Variants in NWD1 observed in about 807,000 individuals in gnomAD.
NWD1 encodes NACHT domain- and WD repeat-containing protein 1.
In NWD1, 129 loss-of-function variants were observed where a neutral mutation model predicts 135.1. That is an observed-to-expected ratio of 0.96 (90% CI 0.83 to 1.11). The LOEUF (loss-of-function observed/expected upper bound fraction) is 1.11, where lower values mean the gene tolerates loss of function less well. NWD1 is among the 50% of genes least tolerant of loss of function. The pLI is 0.00. For synonymous variants in NWD1, 773 were observed against 786.0 expected (o/e 0.98, Z 0.28); for missense variants, 1,740 against 1,851.3 (o/e 0.94, Z 1.10).
intron 17 of NWD1, among the ~76,000 whole-genome samples, chr19:16,805,156 T>C: frequency 6.6e-6 from 1 of 152,012 alleles, no homozygotes; most frequent in African/African-American, 2.4e-5. Context: ...CCTCCCGGGT[T>C]CAAGCAATTC....
intron 10 of NWD1, among the ~76,000 whole-genome samples, chr19:16,765,805 T>A (rs1236141481): frequency 2.0e-5 from 3 of 151,654 alleles, no homozygotes; most frequent in Non-Finnish European, 2.9e-5. Flanking sequence ...GATCACAAGG[T>A]CAGAAGTTTG....
chr19:16,740,028 G>GGATCACAC (rs1440361378), intron 4 of NWD1, among the ~76,000 whole-genome samples: 24 of 151,990 alleles, frequency 1.6e-4, no homozygotes, highest in Non-Finnish European at 3.4e-4. Context: ...TGGCCACCTT[G>GGATCACAC]GATCACACTT....
chr19:16,773,944 A>G (rs1276963869), intron 11 of NWD1, among the ~76,000 whole-genome samples: 1 of 35,800 alleles, frequency 2.8e-5, no homozygotes, highest in Non-Finnish European at 4.8e-5. Flanking sequence ...CCATCTATCC[A>G]TCCATCCATC....
chr19:16,803,986 C>T (rs2123118406), intron 17 of NWD1, among the ~76,000 whole-genome samples: 1 of 152,094 alleles, frequency 6.6e-6, no homozygotes, highest in Admixed American at 6.6e-5. Context: ...TATACATTTT[C>T]TGCATGAGGT....
intron 2 of NWD1, chr19:16,727,450 G>A (rs1967372086): frequency 6.5e-6 from 1 of 152,678 alleles, no homozygotes; most frequent in African/African-American, 2.4e-5. Flanking sequence ...CGTTCCTGAT[G>A]GCCCTGCCCG....
rs777309846 is a variant in NWD1, at chr19:16,749,727, TG to T, written c.1089del (p.His364ThrfsTer4). On this transcript the variant is annotated frameshift_variant, in exon 6 of 19. Coordinates refer to ENST00000524140, the MANE Select transcript of NWD1 (RefSeq NM_001007525.5). LOFTEE classifies it high-confidence loss of function. ...CKLAEQMPRL[L>X]GHKTVTVLRL... ...CTGGCTGAGCAGATGCCAAGGCTGC[TG>T]GGGCACAAGACAGTGACCGTCCTGC... The T allele has an allele frequency of 1.2e-6, 2 of 1,606,100 alleles. No homozygotes were observed. Among genetic ancestry groups the T allele is most frequent in the South Asian group, 2.2e-5 (2 of 89,958 alleles).
intron 18 of NWD1, among the ~76,000 whole-genome samples, chr19:16,809,857 G>A (rs1840311924): frequency 6.6e-6 from 1 of 151,838 alleles, no homozygotes; most frequent in Non-Finnish European, 1.5e-5. Flanking sequence ...GTGCCTGGCT[G>A]CTCCGTGCTA....
At chr19:16,783,693 A>T (rs566313781) in intron 12 of NWD1, among the ~76,000 whole-genome samples, 124 of 150,300 alleles carry the variant, frequency 8.3e-4, no homozygotes, top group African/African-American at 2.8e-3. Context: ...AATAAAATAA[A>T]AAATAAATAA....
intron 10 of NWD1, among the ~76,000 whole-genome samples, chr19:16,770,641 C>G (rs1969383763): frequency 6.6e-6 from 1 of 152,078 alleles, no homozygotes; most frequent in African/African-American, 2.4e-5. Context: ...CCTCAGTTTT[C>G]CCATCTGCAG....
chr19:16,804,118 G>A (rs1970682818), intron 17 of NWD1, among the ~76,000 whole-genome samples: 1 of 152,128 alleles, frequency 6.6e-6, no homozygotes, highest in African/African-American at 2.4e-5. Context: ...GAACCCCAGA[G>A]GGAGATGAGA....
intron 2 of NWD1, among the ~76,000 whole-genome samples, chr19:16,726,811 G>A (rs775601515): frequency 1.4e-4 from 22 of 152,166 alleles, no homozygotes; most frequent in Non-Finnish European, 3.1e-4. Flanking sequence ...GGCTTCCTGG[G>A]CATTGTTAGA....
Position 16,799,665 on chromosome 19 carries a change from C to T in NWD1, c.3460-221C>T, listed in dbSNP as rs1231680697. On this transcript the variant is annotated intron_variant, in intron 16 of 18. Transcript: ENST00000524140. Reference sequence around the variant, plus strand: ...GGGATTACAGGCATGCACCACCAAGCCTGGCTAATTTTTTGTATTTTTATT... The same window carrying T: ...GGGATTACAGGCATGCACCACCAAGTCTGGCTAATTTTTTGTATTTTTATT... Among the ~76,000 whole-genome samples the T allele has an allele frequency of 4.6e-5, 7 of 151,948 alleles. No homozygotes were observed. The East Asian group carries it at 1.4e-3, about 30-fold the overall frequency.
At chr19:16,731,124 G>A in intron 2 of NWD1, 68 bp from the exon 3 acceptor site, 2 of 767,582 alleles carry the variant, frequency 2.6e-6, no homozygotes, top group Non-Finnish European at 2.1e-6. Context: ...TAAAATAAAA[G>A]CAGAGCTATG....
At position 16,817,120 on chromosome 19, in the gene NWD1, G is replaced by C. The variant is rs1423382452; in HGVS notation, c.*2081G>C. ...GTTTGAGACCAGCCTGGACAACATG[G>C]TGAAACCCTTCTCTACTAAAAATAC... On this transcript the variant is annotated 3_prime_UTR_variant, in exon 19 of 19. Coordinates refer to ENST00000524140, the MANE Select transcript of NWD1 (RefSeq NM_001007525.5). 1 of 151,784 alleles carries C rather than the reference G, an allele frequency of 6.6e-6. No individual in the cohort carries two copies. Among genetic ancestry groups the C allele is most frequent in the Non-Finnish European group, 1.5e-5 (1 of 67,990 alleles). 9.4% of individuals were successfully genotyped at this position (151,784 alleles called of 1,614,324 possible).
At chr19:16,787,892 AATAATAATAATAATCATCATCATC>A (rs1467929682) in intron 12 of NWD1, among the ~76,000 whole-genome samples, 21 of 79,000 alleles carry the variant, frequency 2.7e-4, no homozygotes, top group Middle Eastern at 5.5e-3. Context: ...TAATAATAAT[AATAATAATAATAATCATCATCATC>A]ATCATCATCA....
At chr19:16,721,845 T>A (rs192028850) in intron 1 of NWD1, among the ~76,000 whole-genome samples, 26 of 152,250 alleles carry the variant, frequency 1.7e-4, no homozygotes, top group Non-Finnish European at 2.5e-4. Context: ...CCGTGGTGGC[T>A]CATGCCTCTA....
intron 4 of NWD1, 31 bp downstream of exon 4, chr19:16,736,781 T>G: frequency 1.7e-5 from 21 of 1,265,390 alleles, no homozygotes; most frequent in Middle Eastern, 1.8e-4. Flanking sequence ...GGGTTAGCTC[T>G]TACTCCTCCA....
At chr19:16,814,882 G>A in intron 18 of NWD1, 146 bp from the exon 19 acceptor site, 1 of 654,760 alleles carries the variant, frequency 1.5e-6, no homozygotes, top group Non-Finnish European at 2.6e-6. Context: ...TAAAGGAAGA[G>A]GGACTCTTTG....
intron 10 of NWD1, among the ~76,000 whole-genome samples, chr19:16,771,332 C>T (rs1969403878): frequency 6.6e-6 from 1 of 152,150 alleles, no homozygotes; most frequent in Non-Finnish European, 1.5e-5. Flanking sequence ...TGCCTGTAAT[C>T]CCAGCTTCTT....
Sources: allele counts gnomAD v4.1 joint callset (sites outside exome capture counted in the v4.1 genomes callset), GRCh38; gene constraint gnomAD v4.1.1; transcripts MANE v1.5; gene names NCBI Gene and HGNC (gene_info 2026-07-23, HGNC 2026-07-21).